Variants in ME3 observed in about 807,000 individuals in gnomAD.
The protein encoded by ME3 is NADP-dependent malic enzyme, mitochondrial.
ME3 carries 48 observed loss-of-function variants against 68.9 expected under a neutral mutation model. The ratio of observed to expected loss-of-function variants is 0.70; its 90% confidence interval spans 0.55 to 0.89. The LOEUF (loss-of-function observed/expected upper bound fraction) is 0.89. Ranked by LOEUF, ME3 falls within the 40% of genes least tolerant of loss-of-function variation. The pLI, the probability that ME3 is intolerant of heterozygous loss-of-function variation, is 0.00. For synonymous variants in ME3, 320 were observed against 318.8 expected, an observed-to-expected ratio of 1.00 and a Z score of -0.04; for missense variants, 675 against 797.4, an observed-to-expected ratio of 0.85 and a Z score of 1.85.
At chr11:86,552,804 C>G (rs992357536) in intron 4 of ME3, among the ~76,000 whole-genome samples, 6 of 152,162 alleles carry the variant, frequency 3.9e-5, no homozygotes, top group Admixed American at 6.5e-5. Context: ...ATCACCCATA[C>G]GGGTTGGACC....
At chr11:86,572,249 A>T (rs1210217661) in intron 2 of ME3, among the ~76,000 whole-genome samples, 1 of 151,266 alleles carries the variant, frequency 6.6e-6, no homozygotes, top group Non-Finnish European at 1.5e-5. Flanking sequence ...ACTTGCGGGC[A>T]GCCCTGGACA....
At chr11:86,440,679 C>T (rs12294756), downstream of ME3, among the ~76,000 whole-genome samples, 16,372 of 152,176 alleles carry the variant, frequency 0.11, 1,444 homozygotes, top group African/African-American at 0.24. Context: ...TCACACACTG[C>T]CGAGACTTGA....
intron 13 of ME3, among the ~76,000 whole-genome samples, chr11:86,443,697 A>G (rs1949131465): frequency 6.6e-6 from 1 of 152,222 alleles, no homozygotes. Context: ...AGAAGTGACA[A>G]GGCTAAGAAG....
chr11:86,455,563 C>T (rs562064207), intron 8 of ME3, among the ~76,000 whole-genome samples: 134 of 152,274 alleles, frequency 8.8e-4, no homozygotes, highest in Non-Finnish European at 3.8e-4. Flanking sequence ...AGTGCCTCCC[C>T]GTGTACTCCA....
intron 2 of ME3, among the ~76,000 whole-genome samples, chr11:86,633,001 G>C (rs1343055929): frequency 1.3e-5 from 2 of 152,180 alleles, no homozygotes; most frequent in African/African-American, 4.8e-5. Context: ...CACGGCCCCT[G>C]TGCCCAGGGA....
chr11:86,545,889 C>T (rs779846341), intron 4 of ME3, among the ~76,000 whole-genome samples: 3 of 152,172 alleles, frequency 2.0e-5, no homozygotes, highest in Non-Finnish European at 4.4e-5. Flanking sequence ...AAGCTGGAGG[C>T]ATCATGCTAC....
At chr11:86,649,313 T>A (rs909804345) in intron 2 of ME3, among the ~76,000 whole-genome samples, 1 of 152,088 alleles carries the variant, frequency 6.6e-6, no homozygotes, top group African/African-American at 2.4e-5. Context: ...GGGACATATC[T>A]CAAAATAATA....
intron 4 of ME3, among the ~76,000 whole-genome samples, chr11:86,531,750 C>G (rs186193084): frequency 1.8e-3 from 260 of 143,082 alleles, no homozygotes; most frequent in Admixed American, 3.0e-3. Flanking sequence ...GTCACATGTT[C>G]TCACTCATAG....
intron 2 of ME3, among the ~76,000 whole-genome samples, chr11:86,575,670 C>T (rs997487473): frequency 1.3e-5 from 2 of 152,100 alleles, no homozygotes; most frequent in African/African-American, 2.4e-5. Flanking sequence ...ACTCACACTC[C>T]CTCAGAGCTT....
At chr11:86,502,294 A>G (rs565506472) in intron 5 of ME3, among the ~76,000 whole-genome samples, 3 of 152,206 alleles carry the variant, frequency 2.0e-5, no homozygotes, top group South Asian at 4.1e-4. Context: ...CTGAATTCCC[A>G]TAGCATTTTC....
At chr11:86,502,749 GTC>G (rs1213862983) in intron 5 of ME3, among the ~76,000 whole-genome samples, 1 of 152,174 alleles carries the variant, frequency 6.6e-6, no homozygotes, top group African/African-American at 2.4e-5. Flanking sequence ...TAACTCCCCT[GTC>G]TCTCTGATGG....
At chr11:86,590,820 A>G (rs1959009572) in intron 2 of ME3, among the ~76,000 whole-genome samples, 1 of 152,242 alleles carries the variant, frequency 6.6e-6, no homozygotes. Context: ...AAGGACATCA[A>G]GCAGGCAAGG....
intron 2 of ME3, among the ~76,000 whole-genome samples, chr11:86,572,817 A>G (rs1957877910): frequency 6.6e-6 from 1 of 152,178 alleles, no homozygotes; most frequent in African/African-American, 2.4e-5. Flanking sequence ...GCTGGGTCAA[A>G]TGGTATTTCT....
intron 7 of ME3, among the ~76,000 whole-genome samples, chr11:86,480,426 G>A (rs1174414497): frequency 6.6e-6 from 1 of 152,184 alleles, no homozygotes; most frequent in Non-Finnish European, 1.5e-5. Flanking sequence ...AAGGTGATAT[G>A]ATTTTGTGTA....
intron 2 of ME3, among the ~76,000 whole-genome samples, chr11:86,609,827 G>A (rs1178323228): frequency 1.3e-5 from 2 of 151,968 alleles, no homozygotes; most frequent in African/African-American, 4.8e-5. Context: ...CTAAATAAAT[G>A]GTCTAAAACC....
At chr11:86,550,702 A>G (rs1011612945) in intron 4 of ME3, among the ~76,000 whole-genome samples, 2 of 151,662 alleles carry the variant, frequency 1.3e-5, no homozygotes, top group Admixed American at 6.6e-5. Flanking sequence ...TTGCCTCCCA[A>G]TTTTGCTGGG....
chr11:86,437,858 A>AGAATGAAT (rs142909162), downstream of ME3, among the ~76,000 whole-genome samples: 104,427 of 150,814 alleles, frequency 0.69, 36,606 homozygotes, highest in South Asian at 0.81. Context: ...GAGGAGAGAG[A>AGAATGAAT]GAATGAATGA....
chr11:86,665,317 G>A (rs927942080), intron 2 of ME3, among the ~76,000 whole-genome samples: 5 of 152,112 alleles, frequency 3.3e-5, no homozygotes, highest in African/African-American at 1.2e-4. Context: ...AAGGTTGAAA[G>A]GACTGTTCAT....
chr11:86,515,403 A>G (rs1356888683), intron 4 of ME3, among the ~76,000 whole-genome samples: 1 of 152,086 alleles, frequency 6.6e-6, no homozygotes, highest in Non-Finnish European at 1.5e-5. Context: ...GGTGGAGGTG[A>G]GATTAGAACA....
Sources: gnomAD v4.1 joint callset for allele counts (sites outside exome capture counted in the v4.1 genomes callset) on GRCh38, gnomAD v4.1.1 for gene constraint, MANE v1.5 for transcripts, NCBI Gene and HGNC (gene_info 2026-07-23, HGNC 2026-07-21) for gene names.